Variants in SOS1 observed in about 807,000 individuals in gnomAD.
SOS1 encodes SOS Ras/Rac guanine nucleotide exchange factor 1.
SOS1 carries 25 observed loss-of-function variants against 157.6 expected under a neutral mutation model. The observed-to-expected ratio is 0.16, with a 90% confidence interval of 0.12 to 0.22. SOS1 has a LOEUF of 0.22. Ranked by LOEUF, SOS1 falls within the 10% of genes least tolerant of loss-of-function variation. The pLI is 1.00. For synonymous variants in SOS1, 528 were observed against 534.0 expected, an observed-to-expected ratio of 0.99 and a Z score of 0.16; for missense variants, 1,237 against 1,599.1, an observed-to-expected ratio of 0.77 and a Z score of 3.86.
chr2:39,089,317 G>C (rs769664845), intron 1 of SOS1, among the ~76,000 whole-genome samples: 108 of 152,090 alleles, frequency 7.1e-4, no homozygotes, highest in African/African-American at 1.2e-4. Flanking sequence ...ATCACCTTGA[G>C]GTCAGGAGTT....
At chr2:39,054,389 TG>T in intron 5 of SOS1, among the ~76,000 whole-genome samples, 2 of 152,346 alleles carry the variant, frequency 1.3e-5, no homozygotes. Context: ...GAGAATTCTG[TG>T]AATTCATTTT....
chr2:39,012,027 TTAAGTCTTATGAAAACCCTA>T, intron 14 of SOS1, 79 bp downstream of exon 14: 2 of 895,508 alleles, frequency 2.2e-6, no homozygotes. Context: ...AATATTTCAG[TTAAGTCTTATGAAAACCCTA>T]TAAGGCAGAA....
chr2:39,058,561 A>G, intron 3 of SOS1, 112 bp downstream of exon 3: 3 of 1,147,098 alleles, frequency 2.6e-6, no homozygotes, highest in Non-Finnish European at 3.8e-6. Context: ...TTAGAATGAG[A>G]GAATTTTACT....
intron 10 of SOS1, among the ~76,000 whole-genome samples, chr2:39,015,174 A>G (rs1337587205): frequency 6.6e-6 from 1 of 151,852 alleles, no homozygotes; most frequent in Non-Finnish European, 1.5e-5. Context: ...CAGGATCTCA[A>G]AGTATCACCA....
chr2:39,110,039 CGTGTGTGTGTGTGTGTGTGTGT>C (rs779110307), intron 1 of SOS1, among the ~76,000 whole-genome samples: 1 of 135,420 alleles, frequency 7.4e-6, no homozygotes, highest in East Asian at 2.1e-4. Context: ...TGTGTGTGTG[CGTGTGTGTGTGTGTGTGTGTGT>C]GTGTGTGTGT....
chr2:38,998,691 C>T (rs1457698360), intron 17 of SOS1, among the ~76,000 whole-genome samples: 1 of 152,120 alleles, frequency 6.6e-6, no homozygotes, highest in Non-Finnish European at 1.5e-5. Context: ...GCCTGACGAA[C>T]GTTAAGTATT....
In SOS1 at chr2:38,984,032, G is replaced by A. The variant is rs1191688636; in HGVS notation, c.*1792C>T. On this transcript the variant is annotated 3_prime_UTR_variant, in exon 23 of 23. Transcript: ENST00000402219. ...GTTAACATACCTTCTGGTCTTAAAGGACTACATACTGTACTATCGTGATGT... is the reference window on the plus strand; with the variant it reads ...GTTAACATACCTTCTGGTCTTAAAGAACTACATACTGTACTATCGTGATGT... 1 of 152,104 alleles carries A rather than the reference G, an allele frequency of 6.6e-6. No individual in the cohort carries two copies. Among genetic ancestry groups the A allele is most frequent in the Non-Finnish European group, 1.5e-5 (1 of 68,020 alleles). 9.4% of individuals were successfully genotyped at this position (152,104 alleles called of 1,614,324 possible). A position where few individuals can be genotyped will look rare whatever the true frequency, so the allele number is the denominator to read the frequency against.
At chr2:39,007,324 A>G in intron 15 of SOS1, 131 bp from the exon 16 acceptor site, 1 of 657,568 alleles carries the variant, frequency 1.5e-6, no homozygotes, top group Non-Finnish European at 2.7e-6. Flanking sequence ...TAGAGAAGAC[A>G]CATTCAGGGT....
chr2:39,076,022 T>C (rs1671985291), intron 1 of SOS1, among the ~76,000 whole-genome samples: 1 of 152,232 alleles, frequency 6.6e-6, no homozygotes, highest in Non-Finnish European at 1.5e-5. Context: ...CCTTATACAA[T>C]GTGTGCTGTG....
chr2:39,075,177 T>C (rs79049902), intron 1 of SOS1, among the ~76,000 whole-genome samples: 19 of 152,042 alleles, frequency 1.2e-4, no homozygotes, highest in East Asian at 5.8e-4. Flanking sequence ...AGAAGAGAGA[T>C]TGAAGACCTG....
intron 1 of SOS1, among the ~76,000 whole-genome samples, chr2:39,105,871 G>T (rs1197048936): frequency 6.6e-6 from 1 of 152,086 alleles, no homozygotes; most frequent in Admixed American, 6.6e-5. Context: ...TTGCACTTCA[G>T]CCTGGGCGAC....
At chr2:39,080,585 C>T (rs1055532939) in intron 1 of SOS1, among the ~76,000 whole-genome samples, 9 of 152,038 alleles carry the variant, frequency 5.9e-5, no homozygotes, top group Admixed American at 4.6e-4. Context: ...GTATTTTCTT[C>T]AATGAATGTT....
intron 8 of SOS1, among the ~76,000 whole-genome samples, chr2:39,032,275 CT>C (rs529904523): frequency 8.2e-4 from 125 of 152,268 alleles, no homozygotes; most frequent in African/African-American, 2.5e-3. Context: ...TGACCAGTAT[CT>C]CCCTACTCCC....
At chr2:39,050,573 G>A (rs142223723) in intron 6 of SOS1, among the ~76,000 whole-genome samples, 19 of 152,220 alleles carry the variant, frequency 1.2e-4, no homozygotes, top group African/African-American at 3.6e-4. Flanking sequence ...TACTGCTTCA[G>A]CACCCCAAGT....
chr2:39,110,678 CAG>C (rs1558518694), intron 1 of SOS1, among the ~76,000 whole-genome samples: 1 of 152,154 alleles, frequency 6.6e-6, no homozygotes, highest in Non-Finnish European at 1.5e-5. Context: ...AAATGGACCA[CAG>C]AGTCTATGAA....
intron 10 of SOS1, 36 bp from the exon 11 acceptor site, chr2:39,014,882 T>C: frequency 9.3e-7 from 1 of 1,072,500 alleles, no homozygotes; most frequent in Non-Finnish European, 1.5e-6. Context: ...TATTAAACTC[T>C]ATGATTCAAA....
chr2:39,094,049 G>A (rs938700696), intron 1 of SOS1, among the ~76,000 whole-genome samples: 7 of 151,984 alleles, frequency 4.6e-5, no homozygotes, highest in African/African-American at 1.7e-4. Flanking sequence ...ATCACAAACC[G>A]GTTGAATGTA....
chr2:38,995,084 T>TAACA, intron 20 of SOS1, 39 bp downstream of exon 20: 1 of 1,585,174 alleles, frequency 6.3e-7, no homozygotes. Context: ...TGTATAGTAC[T>TAACA]AACAAATACC....
intron 1 of SOS1, chr2:39,098,402 C>T (rs768390409): frequency 6.0e-5 from 13 of 215,374 alleles, no homozygotes; most frequent in South Asian, 1.5e-4. Context: ...CATCAATACA[C>T]GGTCATACAG....
Sources: allele counts gnomAD v4.1 joint callset (sites outside exome capture counted in the v4.1 genomes callset), GRCh38; gene constraint gnomAD v4.1.1; transcripts MANE v1.5; gene names NCBI Gene and HGNC (gene_info 2026-07-23, HGNC 2026-07-21).